The following HIVEP3 variants were observed in gnomAD, a reference collection of about 807,000 sequenced individuals.
The protein encoded by HIVEP3 is HIVEP zinc finger 3, also known as transcription factor HIVEP3.
HIVEP3 carries 49 observed loss-of-function variants against 152.8 expected under a neutral mutation model. The ratio of observed to expected loss-of-function variants is 0.32; its 90% confidence interval spans 0.26 to 0.41. The LOEUF (loss-of-function observed/expected upper bound fraction) is 0.41. HIVEP3 is among the 10% of genes least tolerant of loss of function. The pLI is 1.00. For missense variants in HIVEP3, 2,790 were observed against 3,103.3 expected, an observed-to-expected ratio of 0.90 and a Z score of 2.40; for synonymous variants, 1,269 against 1,289.0, an observed-to-expected ratio of 0.98 and a Z score of 0.33.
chr1:41,609,596 A>C (rs12740722), intron 3 of HIVEP3, among the ~76,000 whole-genome samples: 2 of 152,176 alleles, frequency 1.3e-5, no homozygotes, highest in Non-Finnish European at 2.9e-5. Flanking sequence ...GCTGTCTCCA[A>C]TCCATAATGA....
chr1:41,788,804 A>G (rs1649518783), intron 1 of HIVEP3, among the ~76,000 whole-genome samples: 2 of 152,364 alleles, frequency 1.3e-5, no homozygotes, highest in South Asian at 4.1e-4. Flanking sequence ...CGTGGAAAGG[A>G]GGGGTCATGT....
At chr1:41,663,114 T>G (rs2124050729) in intron 2 of HIVEP3, among the ~76,000 whole-genome samples, 1 of 152,330 alleles carries the variant, frequency 6.6e-6, no homozygotes, top group South Asian at 2.1e-4. Flanking sequence ...CAAGCACACT[T>G]GAGCCAGTTC....
At chr1:41,682,732 C>A (rs938063804) in intron 2 of HIVEP3, among the ~76,000 whole-genome samples, 1 of 152,148 alleles carries the variant, frequency 6.6e-6, no homozygotes, top group African/African-American at 2.4e-5. Flanking sequence ...CCTGCTGCCT[C>A]TGAGACCTCA....
chr1:41,715,591 G>A (rs974984750), intron 1 of HIVEP3, among the ~76,000 whole-genome samples: 1 of 152,232 alleles, frequency 6.6e-6, no homozygotes, highest in Non-Finnish European at 1.5e-5. Context: ...GGATTAGAAA[G>A]AGGCCTGGTA....
intron 1 of HIVEP3, among the ~76,000 whole-genome samples, chr1:41,845,903 T>A (rs886968837): frequency 1.3e-5 from 2 of 151,874 alleles, no homozygotes; most frequent in East Asian, 3.9e-4. Flanking sequence ...CCCATCTCTA[T>A]GAAAAATACA....
In HIVEP3 at chr1:41,584,000, C is replaced by T. The variant is rs758779925; in HGVS notation, c.798G>A (p.Glu266=). The stretch of plus-strand genomic sequence containing the variant: ...CCTCAAACTCTTCCCCAGGGATCCG[C>T]TCCATCTCCAGCCCATGTGGGTACA... ...GEMYPHGLEM[E]RIPGEEFEEP... is the part of the protein sequence containing the mutation. Residue 266 remains glutamate (E), a synonymous_variant, in exon 4 of 9, where the codon GAG becomes GAA. Coordinates refer to ENST00000372583, the MANE Select transcript of HIVEP3 (RefSeq NM_024503.5). This position sits in a 1 kb window ranked among gnomAD's most constrained non-coding sequence, Gnocchi z 6.9. The T allele has an allele frequency of 6.2e-6, 10 of 1,614,212 alleles. No individual in the cohort carries two copies. The South Asian group carries it at 9.9e-5, about 16-fold the overall frequency.
intron 2 of HIVEP3, among the ~76,000 whole-genome samples, chr1:41,700,510 C>G (rs984980465): frequency 6.6e-6 from 1 of 152,236 alleles, no homozygotes; most frequent in Non-Finnish European, 1.5e-5. Context: ...GCTGCAGTGT[C>G]AGCCCCACTG....
At chr1:41,735,352 G>C (rs936643179) in intron 1 of HIVEP3, among the ~76,000 whole-genome samples, 1 of 152,188 alleles carries the variant, frequency 6.6e-6, no homozygotes, top group Admixed American at 6.5e-5. Flanking sequence ...AGATGATGAC[G>C]ATGAAGGTGA....
chr1:41,820,371 G>A (rs1391778472), intron 1 of HIVEP3, among the ~76,000 whole-genome samples: 2 of 152,168 alleles, frequency 1.3e-5, no homozygotes, highest in Admixed American at 1.3e-4. Context: ...GTTTGCCTGA[G>A]ATAGTCCTAG....
intron 1 of HIVEP3, among the ~76,000 whole-genome samples, chr1:41,961,633 A>G (rs1050654354): frequency 1.5e-4 from 23 of 152,378 alleles, no homozygotes; most frequent in Admixed American, 7.2e-4. Flanking sequence ...CATAAATGAC[A>G]AATAAATGCT....
chr1:41,547,834 C>T (rs58036144), intron 5 of HIVEP3, among the ~76,000 whole-genome samples: 10,071 of 151,252 alleles, frequency 0.067, 1,000 homozygotes, highest in East Asian at 0.45. Context: ...GATATCCTTT[C>T]CTCCACACTC....
chr1:41,704,489 C>T lies in HIVEP3; in HGVS notation c.-800-3494G>A, dbSNP rs550825006. On this transcript the variant is annotated intron_variant, in intron 1 of 8. Transcript: ENST00000372583. ...CAACTAGCAGCCTGTATGCAGCTGC[C>T]TCTGAGTCAGTCCCAGTCCCTGTGG... Among the ~76,000 whole-genome samples, 6 of 152,368 alleles carry T rather than the reference C, an allele frequency of 3.9e-5. No homozygotes were observed. In the East Asian group the frequency reaches 1.2e-3, roughly 29 times the overall value.
At chr1:41,669,652 G>A (rs1053747063) in intron 2 of HIVEP3, among the ~76,000 whole-genome samples, 2 of 152,070 alleles carry the variant, frequency 1.3e-5, no homozygotes, top group Non-Finnish European at 1.5e-5. Flanking sequence ...ATGAAACATC[G>A]GCTCTTCTTG....
chr1:41,711,196 CATG>C (rs1404262402), intron 1 of HIVEP3, among the ~76,000 whole-genome samples: 1 of 152,232 alleles, frequency 6.6e-6, no homozygotes. Flanking sequence ...TATGCCTGGC[CATG>C]ATATCTCCTT....
At chr1:41,689,405 C>T (rs1248895140) in intron 2 of HIVEP3, among the ~76,000 whole-genome samples, 3 of 152,218 alleles carry the variant, frequency 2.0e-5, no homozygotes, top group Non-Finnish European at 4.4e-5. Context: ...CCTCAAGTTA[C>T]GGCTGCCCTG....
chr1:41,578,871 T>C (rs1007056605), intron 4 of HIVEP3, among the ~76,000 whole-genome samples: 1 of 152,222 alleles, frequency 6.6e-6, no homozygotes, highest in African/African-American at 2.4e-5. Flanking sequence ...CAGCACAGTG[T>C]CTGGCACCAT....
chr1:41,788,468 GGA>G (rs1649498736), intron 1 of HIVEP3, among the ~76,000 whole-genome samples: 1 of 152,342 alleles, frequency 6.6e-6, no homozygotes, highest in East Asian at 1.9e-4. Flanking sequence ...AGGGAAGGAA[GGA>G]GAGAGAGGCC....
At chr1:41,649,004 T>C (rs1645504675) in intron 2 of HIVEP3, among the ~76,000 whole-genome samples, 1 of 152,224 alleles carries the variant, frequency 6.6e-6, no homozygotes, top group Non-Finnish European at 1.5e-5. Flanking sequence ...CAGCAGAGCC[T>C]GTGTGGATTT....
At chr1:41,780,295 C>G (rs1570522707) in intron 1 of HIVEP3, among the ~76,000 whole-genome samples, 1 of 60,684 alleles carries the variant, frequency 1.6e-5, no homozygotes, top group Admixed American at 2.1e-4. Context: ...GCCACTCTGC[C>G]AAGGCTGGGG....
Sources: gnomAD v4.1 joint callset for allele counts (sites outside exome capture counted in the v4.1 genomes callset) on GRCh38, gnomAD v4.1.1 for gene constraint, Gnocchi (gnomAD v3.1) non-coding constraint, MANE v1.5 for transcripts, NCBI Gene and HGNC (gene_info 2026-07-23, HGNC 2026-07-21) for gene names.